DOCK8: variants seen among roughly 807,000 people sequenced by gnomAD.
DOCK8 encodes dedicator of cytokinesis protein 8.
A neutral mutation model predicts 245.6 loss-of-function variants in DOCK8; 141 were observed. The observed-to-expected ratio is 0.57, with a 90% confidence interval of 0.50 to 0.66. DOCK8 has a LOEUF of 0.66. Ranked by LOEUF, DOCK8 falls within the 30% of genes least tolerant of loss-of-function variation. The pLI is 0.00. For missense variants in DOCK8, 2,965 were observed against 2,603.4 expected, an observed-to-expected ratio of 1.14 and a Z score of -3.02; for synonymous variants, 1,168 against 970.2, an observed-to-expected ratio of 1.20 and a Z score of -3.79.
intron 42 of DOCK8, among the ~76,000 whole-genome samples, chr9:443,073 T>G (rs76248304): frequency 1.3e-5 from 2 of 152,200 alleles, no homozygotes; most frequent in East Asian, 3.8e-4. Flanking sequence ...TATCTTCTTG[T>G]GCACTGTGAT....
At position 347,188 on chromosome 9, in the gene DOCK8, G is replaced by A. The variant is rs143400221; in HGVS notation, c.1679+6867G>A. 7.9e-5 allele frequency among the ~76,000 whole-genome samples: 12 copies of A among 152,186 alleles called. No homozygotes were observed. The East Asian group carries it at 2.3e-3, about 29-fold the overall frequency. ...GGAAGCTTCCACCAACCCTTAATGA[G>A]TTCCTGTACCATATGGAGTTGTCAA... is the stretch of plus-strand genomic sequence containing the variant. On this transcript the variant is annotated intron_variant, in intron 14 of 47. Transcript: ENST00000432829.
intron 39 of DOCK8, among the ~76,000 whole-genome samples, chr9:437,917 G>T (rs2056956613): frequency 6.6e-6 from 1 of 152,204 alleles, no homozygotes. Context: ...AGGCTACATA[G>T]CTTCAAATCT....
At chr9:217,334 C>T (rs1331377450) in intron 1 of DOCK8, among the ~76,000 whole-genome samples, 1 of 152,142 alleles carries the variant, frequency 6.6e-6, no homozygotes, top group African/African-American at 2.4e-5. Context: ...GAGCTTCAGG[C>T]AGAGATCAGT....
At position 464,210 on chromosome 9, in the gene DOCK8, G is replaced by A. The variant is rs761586689; in HGVS notation, c.6291G>A (p.Gln2097=). 5 of 1,613,858 alleles carry A rather than the reference G, an allele frequency of 3.1e-6. No homozygotes were observed. In the Admixed American group the frequency reaches 8.3e-5, roughly 27 times the overall value. Residue 2097 remains glutamine (Q), a synonymous_variant, in exon 48 of 48, where the codon CAG becomes CAA. Coordinates refer to ENST00000432829, the MANE Select transcript of DOCK8 (RefSeq NM_203447.4). ...SFRKCETQLS[Q]GS is the part of the protein sequence containing the mutation. ...GGAAATGTGAAACCCAGTTGTCACA[G>A]GGCAGCTAAGAAAAGCCATCTTCAT...
intron 11 of DOCK8, among the ~76,000 whole-genome samples, chr9:335,688 G>A (rs879748658): frequency 6.6e-6 from 1 of 152,130 alleles, no homozygotes; most frequent in Admixed American, 6.5e-5. Flanking sequence ...GATAGGGCAT[G>A]CTGAGGCCTC....
At position 420,984 on chromosome 9, in the gene DOCK8, C is replaced by T. The variant is rs1417350443; in HGVS notation, c.4059C>T (p.Val1353=). 6.2e-7 allele frequency: 1 copy of T among 1,614,184 alleles called. No individual in the cohort carries two copies. Among genetic ancestry groups the T allele is most frequent in the East Asian group, 2.2e-5 (1 of 44,882 alleles). The part of the protein sequence containing the change: ...KQSSDKVSTQ[V]LQKSRDVKAR... ...GTTCTGACAAAGTCAGTACCCAAGT[C>T]CTGCAGAAGTCAAGGGATGTCAAGG... Residue 1353 remains valine (V), a synonymous_variant, in exon 32 of 48, where the codon GTC becomes GTT. Coordinates refer to ENST00000432829, the MANE Select transcript of DOCK8 (RefSeq NM_203447.4).
chr9:340,176 A>G lies in DOCK8; in HGVS notation c.1534A>G (p.Ile512Val), dbSNP rs2051510707. The change falls in exon 14 of 48, where the codon ATT becomes GTT. Residue 512 changes from isoleucine to valine, a missense_variant. Transcript: ENST00000432829. The stretch of plus-strand genomic sequence containing the variant: ...CTCTTTAGGCTTGCTAAGACTGGAG[A>G]TTTCTACAGCTCCAGAGATCATCAA... ...KSIPGLLRLE[I>V]STAPEIINCC... The G allele has an allele frequency of 2.5e-6, 4 of 1,614,036 alleles. No individual in the cohort carries two copies. The highest frequency in any genetic ancestry group is 2.5e-6 in the Non-Finnish European group (3 of 1,179,990).
chr9:425,498 CTCTGCA>C (rs1554703343), intron 33 of DOCK8, among the ~76,000 whole-genome samples: 2 of 135,782 alleles, frequency 1.5e-5, no homozygotes, highest in African/African-American at 3.4e-5. Flanking sequence ...CGCCACTGCA[CTCTGCA>C]CTCCAGCCTG....
intron 1 of DOCK8, among the ~76,000 whole-genome samples, chr9:257,518 T>C (rs1357560483): frequency 1.3e-5 from 2 of 152,068 alleles, no homozygotes; most frequent in African/African-American, 4.8e-5. Flanking sequence ...GTTGTTTGTT[T>C]GTTTTTGGTT....
chr9:252,820 A>G (rs1286503856), intron 1 of DOCK8, among the ~76,000 whole-genome samples: 1 of 151,648 alleles, frequency 6.6e-6, no homozygotes. Flanking sequence ...AGTCCTATGT[A>G]TACTTCTTCA....
chr9:247,031 C>A (rs1310741005), intron 1 of DOCK8, among the ~76,000 whole-genome samples: 1 of 152,074 alleles, frequency 6.6e-6, no homozygotes, highest in East Asian at 1.9e-4. Context: ...ATTTAGAATT[C>A]CTTAATTAAT....
intron 1 of DOCK8, among the ~76,000 whole-genome samples, chr9:235,565 C>G (rs968991663): frequency 6.6e-6 from 1 of 152,224 alleles, no homozygotes; most frequent in Non-Finnish European, 1.5e-5. Flanking sequence ...GCTTCCCGGC[C>G]GCTTTGTTTA....
intron 4 of DOCK8, among the ~76,000 whole-genome samples, chr9:297,148 A>G (rs1191063798): frequency 6.6e-6 from 1 of 152,182 alleles, no homozygotes; most frequent in Non-Finnish European, 1.5e-5. Flanking sequence ...AAGAGAGGGT[A>G]GGGAAGAGGA....
At chr9:417,309 G>T (rs1444828165) in intron 29 of DOCK8, among the ~76,000 whole-genome samples, 1 of 152,050 alleles carries the variant, frequency 6.6e-6, no homozygotes, top group Non-Finnish European at 1.5e-5. Flanking sequence ...TAAATAATAA[G>T]AACTGGGTTT....
intron 10 of DOCK8, among the ~76,000 whole-genome samples, chr9:333,841 C>T (rs1317405477): frequency 1.3e-5 from 2 of 152,100 alleles, no homozygotes; most frequent in Non-Finnish European, 2.9e-5. Flanking sequence ...AACAGGTTCA[C>T]TTGGGAGCTT....
rs778656610 is a variant in DOCK8 at position 418,092 on chromosome 9, C to G, written c.3725C>G (p.Thr1242Ser). Residue 1242 changes from threonine to serine, a missense_variant, in exon 30 of 48, where the codon ACC (threonine) becomes AGC (serine). Coordinates refer to ENST00000432829, the MANE Select transcript of DOCK8 (RefSeq NM_203447.4). The stretch of plus-strand genomic sequence containing the variant: ...GTTGCAGATACTCGCAGATACCGCA[C>G]CAGTGGCTCGGATGAAGAACAAGAA... The part of the protein sequence containing the change: ...FTVADTRRYR[T>S]SGSDEEQEGA... 6.8e-6 allele frequency: 11 copies of G among 1,614,052 alleles called. No individual in the cohort carries two copies. The East Asian group carries it at 2.5e-4, about 36-fold the overall frequency.
chr9:324,469 G>T (rs1483705138), intron 7 of DOCK8, among the ~76,000 whole-genome samples: 1 of 152,078 alleles, frequency 6.6e-6, no homozygotes, highest in Non-Finnish European at 1.5e-5. Context: ...AGTGTTCCAT[G>T]TGCACCTGTA....
rs548622271 is a variant in DOCK8 at position 368,167 on chromosome 9, C to T, written c.1797+32C>T. ...AGGGAAACGAACATTTGCCTCAAAT[C>T]AGGGTGGGCTGCTCACCCCTGTCAC... On this transcript the variant is annotated intron_variant, in intron 15 of 47. Transcript: ENST00000432829. The T allele has an allele frequency of 6.3e-6, 10 of 1,576,236 alleles. No individual in the cohort carries two copies. In the South Asian group the frequency reaches 8.8e-5, roughly 14 times the overall value.
At chr9:389,468 C>G (rs1373908893) in intron 23 of DOCK8, among the ~76,000 whole-genome samples, 1 of 152,156 alleles carries the variant, frequency 6.6e-6, no homozygotes, top group Admixed American at 6.5e-5. Context: ...CCAAGATCCT[C>G]TCATAAACCC....
Sources: gnomAD v4.1 joint callset for allele counts (sites outside exome capture counted in the v4.1 genomes callset) on GRCh38, gnomAD v4.1.1 for gene constraint, MANE v1.5 for transcripts, NCBI Gene and HGNC (gene_info 2026-07-23, HGNC 2026-07-21) for gene names.